FRMPD4: variants seen among roughly 807,000 people sequenced by gnomAD.
The protein encoded by FRMPD4 is FERM and PDZ domain containing 4.
Under a neutral mutation model 94.1 loss-of-function variants are expected in FRMPD4, and 22 were observed. The observed-to-expected ratio is 0.23, with a 90% CI of 0.17 to 0.33. The LOEUF (loss-of-function observed/expected upper bound fraction) is 0.33, where lower values mean the gene tolerates loss of function less well. Among genes scored for constraint, FRMPD4 ranks in the 10% least tolerant of loss-of-function variants. FRMPD4 has a pLI of 1.00. For missense variants in FRMPD4, 1,111 were observed against 1,339.9 expected (o/e 0.83, Z 2.67); for synonymous variants, 631 against 548.6 (o/e 1.15, Z -2.10).
At chrX:12,033,821 C>G (rs1324721696) in intron 3 of FRMPD4, among the ~76,000 whole-genome samples, 3 of 112,102 alleles carry the variant, frequency 2.7e-5, no homozygotes, top group Non-Finnish European at 5.6e-5. Flanking sequence ...CCTCAGCCTC[C>G]CGAGTAGCTG....
intron 2 of FRMPD4, among the ~76,000 whole-genome samples, chrX:12,537,812 A>C (rs1377783738): frequency 1.8e-5 from 2 of 110,809 alleles, no homozygotes; most frequent in Non-Finnish European, 3.8e-5. Context: ...TTAATTAACA[A>C]AACTTTTCCA....
intron 1 of FRMPD4, among the ~76,000 whole-genome samples, chrX:12,236,687 C>G (rs1601725859): frequency 9.0e-6 from 1 of 111,404 alleles, no homozygotes; most frequent in African/African-American, 3.3e-5. Flanking sequence ...CCTGATAAAA[C>G]AAGATAGGTA....
At chrX:12,470,379 T>G (rs1288302583) in intron 1 of FRMPD4, among the ~76,000 whole-genome samples, 2 of 112,047 alleles carry the variant, frequency 1.8e-5, no homozygotes, top group Non-Finnish European at 3.8e-5. Flanking sequence ...TTACAGCGAC[T>G]GATGAGCCCC....
intron 1 of FRMPD4, among the ~76,000 whole-genome samples, chrX:11,844,137 G>A (rs1449936705): frequency 1.9e-5 from 2 of 103,691 alleles, no homozygotes; most frequent in East Asian, 3.0e-4. Context: ...ACAGGCATGC[G>A]CCATCACACC....
At position 12,417,541 on chromosome X, in the gene FRMPD4, C is replaced by T. The variant is rs766484385; in HGVS notation, c.42-81139C>T. 1.3e-4 allele frequency among the ~76,000 whole-genome samples: 12 copies of T among 89,416 alleles called. No individual in the cohort carries two copies. The Admixed American group carries it at 1.5e-3, about 11-fold the overall frequency. The allele number at this position is 89,416 out of a possible 115,157, so 77.6% of individuals were successfully genotyped here. ...TTGCAGTGAGCCAAGATTGCGCCAT[C>T]ATACTCCAACCTGGGGGACAAGAGC... is the stretch of plus-strand genomic sequence containing the variant. On this transcript the variant is annotated intron_variant, in intron 1 of 16. Transcript: ENST00000675598.
chrX:12,488,900 C>A (rs1167718991), intron 1 of FRMPD4, among the ~76,000 whole-genome samples: 2 of 112,003 alleles, frequency 1.8e-5, no homozygotes, highest in Non-Finnish European at 3.8e-5. Flanking sequence ...GGTCAGCAAA[C>A]TATGGCTCGA....
intron 3 of FRMPD4, among the ~76,000 whole-genome samples, chrX:11,922,745 C>T (rs1381301486): frequency 1.8e-5 from 2 of 112,658 alleles, no homozygotes; most frequent in African/African-American, 3.2e-5. Flanking sequence ...ATGTGGAGCC[C>T]AGAGGGTTCG....
intron 1 of FRMPD4, among the ~76,000 whole-genome samples, chrX:12,304,466 C>T (rs1418462289): frequency 9.0e-6 from 1 of 111,306 alleles, no homozygotes; most frequent in African/African-American, 3.3e-5. Context: ...GAAACGTCTA[C>T]AGACATTGCC....
At chrX:12,026,150 A>G (rs1294464310) in intron 3 of FRMPD4, among the ~76,000 whole-genome samples, 5 of 111,118 alleles carry the variant, frequency 4.5e-5, no homozygotes, top group Non-Finnish European at 9.4e-5. Flanking sequence ...TGTAGCTTCT[A>G]TCTCCGTTGG....
intron 1 of FRMPD4, among the ~76,000 whole-genome samples, chrX:12,272,067 T>C (rs1447769961): frequency 3.6e-5 from 4 of 112,383 alleles, no homozygotes; most frequent in Non-Finnish European, 7.5e-5. Flanking sequence ...ATGTGGACTT[T>C]GAATACGTTT....
In FRMPD4 at chrX:12,168,727, G is replaced by A. The variant is rs185931795; in HGVS notation, c.41+29715G>A. On this transcript the variant is annotated intron_variant, in intron 1 of 16. Coordinates refer to ENST00000675598, the MANE Select transcript of FRMPD4 (RefSeq NM_001368397.1). ...TGCCAGCTCCGCCTCCTGGGTTCAC[G>A]CCATTCTCCTTCCTCAGCCTCCTGA... Among the ~76,000 whole-genome samples the A allele has an allele frequency of 9.9e-3, 1,000 of 100,976 alleles. 15 individuals carry two copies. The highest frequency in any genetic ancestry group is 0.035 in the African/African-American group (958 of 27,238). The allele number at this position is 100,976 out of a possible 115,157, so 87.7% of individuals were successfully genotyped here.
At chrX:12,184,161 A>G (rs758956584) in intron 1 of FRMPD4, among the ~76,000 whole-genome samples, 72 of 111,174 alleles carry the variant, frequency 6.5e-4, no homozygotes, top group Middle Eastern at 4.6e-3. Context: ...GTCCCAAGTT[A>G]ATTTCCCATC....
chrX:12,122,595 CTT>C (rs35343477), intron 3 of FRMPD4, among the ~76,000 whole-genome samples: 2 of 102,257 alleles, frequency 2.0e-5, no homozygotes. Context: ...TTAACTGTAT[CTT>C]TTTTTTTTTT....
At chrX:12,696,494 T>C in intron 9 of FRMPD4, among the ~76,000 whole-genome samples, 1 of 104,488 alleles carries the variant, frequency 9.6e-6, no homozygotes, top group Non-Finnish European at 1.9e-5. Flanking sequence ...CTTAGACATC[T>C]AGCAGTAGAA....
chrX:11,863,896 C>T (rs1175938078), intron 1 of FRMPD4, among the ~76,000 whole-genome samples: 1 of 112,138 alleles, frequency 8.9e-6, no homozygotes, highest in Non-Finnish European at 1.9e-5. Context: ...TGAAAGGACT[C>T]TTTTGACAGT....
intron 3 of FRMPD4, among the ~76,000 whole-genome samples, chrX:12,111,329 C>T (rs914298249): frequency 1.8e-5 from 2 of 111,877 alleles, no homozygotes; most frequent in African/African-American, 6.5e-5. Flanking sequence ...AAAGGATTCC[C>T]TATTTAATAA....
At chrX:12,114,357 T>A (rs2055390648) in intron 3 of FRMPD4, among the ~76,000 whole-genome samples, 1 of 112,009 alleles carries the variant, frequency 8.9e-6, no homozygotes, top group Admixed American at 9.5e-5. Flanking sequence ...TGTTTTGTAA[T>A]AAGTCTCATG....
chrX:12,652,646 G>C (rs1408103509), intron 4 of FRMPD4, among the ~76,000 whole-genome samples: 2 of 112,021 alleles, frequency 1.8e-5, no homozygotes, highest in Non-Finnish European at 3.8e-5. Context: ...TCTGTGTCTG[G>C]AAATAAGTGT....
intron 1 of FRMPD4, among the ~76,000 whole-genome samples, chrX:12,176,303 TCTCA>T (rs1440745118): frequency 8.9e-6 from 1 of 111,966 alleles, no homozygotes; most frequent in Non-Finnish European, 1.9e-5. Context: ...ATATAATTTC[TCTCA>T]CTCAGCCATA....
Sources: allele counts gnomAD v4.1 joint callset (sites outside exome capture counted in the v4.1 genomes callset), GRCh38; gene constraint gnomAD v4.1.1; transcripts MANE v1.5; gene names NCBI Gene and HGNC (gene_info 2026-07-23, HGNC 2026-07-21).